Variants in GRHL2 observed in about 807,000 individuals in gnomAD.
GRHL2 encodes the protein grainyhead like transcription factor 2.
A neutral mutation model predicts 83.8 loss-of-function variants in GRHL2; 21 were observed. The ratio of observed to expected loss-of-function variants is 0.25; its 90% CI spans 0.18 to 0.36. GRHL2 has a LOEUF of 0.36. Among genes scored for constraint, GRHL2 ranks in the 10% least tolerant of loss-of-function variants. The pLI is 1.00. For synonymous variants in GRHL2, 280 were observed against 278.9 expected (o/e 1.00, Z -0.04); for missense variants, 623 against 781.8 (o/e 0.80, Z 2.42).
At chr8:101,603,718 T>C (rs907279698) in intron 8 of GRHL2, among the ~76,000 whole-genome samples, 28 of 152,198 alleles carry the variant, frequency 1.8e-4, no homozygotes, top group Admixed American at 5.9e-4. Context: ...CAATGACACA[T>C]GCAGCAGGAA....
At chr8:101,673,917 T>G (rs536101559), downstream of GRHL2, among the ~76,000 whole-genome samples, 1 of 152,144 alleles carries the variant, frequency 6.6e-6, no homozygotes, top group South Asian at 2.1e-4. Flanking sequence ...TCAAAACCGC[T>G]TGACTACATG....
At chr8:101,551,531 T>C (rs1057477) in intron 2 of GRHL2, among the ~76,000 whole-genome samples, 7,133 of 152,074 alleles carry the variant, frequency 0.047, 531 homozygotes, top group African/African-American at 0.16. Context: ...GGGATGATTT[T>C]CATGAATGTT....
intron 1 of GRHL2, among the ~76,000 whole-genome samples, chr8:101,510,093 T>G (rs982813998): frequency 7.9e-5 from 12 of 152,130 alleles, no homozygotes; most frequent in African/African-American, 2.9e-4. Flanking sequence ...CAGGCCCAGA[T>G]GATCTTCCCA....
chr8:101,618,710 C>T (rs1489334371), intron 8 of GRHL2, among the ~76,000 whole-genome samples: 1 of 151,986 alleles, frequency 6.6e-6, no homozygotes, highest in African/African-American at 2.4e-5. Flanking sequence ...TTCCTCCAGG[C>T]ACTAGGTACC....
intron 1 of GRHL2, among the ~76,000 whole-genome samples, chr8:101,514,565 T>G (rs897944467): frequency 6.6e-6 from 1 of 152,158 alleles, no homozygotes; most frequent in Non-Finnish European, 1.5e-5. Flanking sequence ...TGCCATGGAA[T>G]CTGGGTCAGT....
chr8:101,648,425 G>A (rs1319014752), intron 13 of GRHL2, among the ~76,000 whole-genome samples: 1 of 152,236 alleles, frequency 6.6e-6, no homozygotes, highest in African/African-American at 2.4e-5. Flanking sequence ...GAGGGCACTA[G>A]AACCATGACA....
intron 1 of GRHL2, among the ~76,000 whole-genome samples, chr8:101,496,268 G>GA (rs1436142414): frequency 2.0e-5 from 3 of 151,478 alleles, no homozygotes; most frequent in African/African-American, 7.3e-5. Flanking sequence ...CTATTATTCA[G>GA]AAAATGGCTG....
At chr8:101,643,369 C>A (rs1401253799) in intron 12 of GRHL2, among the ~76,000 whole-genome samples, 28 of 96,958 alleles carry the variant, frequency 2.9e-4, no homozygotes, top group East Asian at 1.7e-3. Context: ...CTGTTTCTCT[C>A]AAAAAAAAAA....
At chr8:101,577,587 G>C in intron 7 of GRHL2, 68 bp downstream of exon 7, 1 of 1,018,962 alleles carries the variant, frequency 9.8e-7, no homozygotes, top group Non-Finnish European at 1.5e-6. Flanking sequence ...GCCAAGGGGA[G>C]CCTGGCGTAG....
chr8:101,502,292 T>C (rs1376364924), intron 1 of GRHL2, among the ~76,000 whole-genome samples: 5 of 152,218 alleles, frequency 3.3e-5, no homozygotes, highest in Non-Finnish European at 7.3e-5. Flanking sequence ...CAGAGGGGTC[T>C]GGGCTGGTGG....
At chr8:101,673,501 A>G (rs945195894), downstream of GRHL2, among the ~76,000 whole-genome samples, 11 of 144,286 alleles carry the variant, frequency 7.6e-5, no homozygotes, top group Non-Finnish European at 1.4e-4. Context: ...AGAAGAGCTA[A>G]CTATCCTAAA....
chr8:101,566,709 G>A (rs890409952), intron 4 of GRHL2, among the ~76,000 whole-genome samples: 1 of 151,094 alleles, frequency 6.6e-6, no homozygotes, highest in Non-Finnish European at 1.5e-5. Context: ...CCTTATCCAT[G>A]TTTCTCTGGA....
At chr8:101,516,493 C>T (rs982888875) in intron 1 of GRHL2, among the ~76,000 whole-genome samples, 2 of 140,060 alleles carry the variant, frequency 1.4e-5, no homozygotes, top group African/African-American at 2.6e-5. Context: ...TTATGGCTTA[C>T]TGCAACCTCG....
At position 101,660,761 on chromosome 8, in the gene GRHL2, A is replaced by G. The variant is rs1239472152; in HGVS notation, c.1699-3693A>G. ...ACTATTTGAAAATAAACTTCCAACTATTTTCTCCACCAGTGCCTTCCAGCT... is the reference window on the plus strand; with the variant it reads ...ACTATTTGAAAATAAACTTCCAACTGTTTTCTCCACCAGTGCCTTCCAGCT... On this transcript the variant is annotated intron_variant, in intron 14 of 15. Transcript: ENST00000646743. Among the ~76,000 whole-genome samples, 2 of 151,974 alleles carry G rather than the reference A, an allele frequency of 1.3e-5. 1 individual carries two copies. The highest frequency in any genetic ancestry group is 1.3e-4 in the Admixed American group (2 of 15,256).
chr8:101,632,821 A>G (rs1279030863), intron 11 of GRHL2, among the ~76,000 whole-genome samples: 1 of 152,258 alleles, frequency 6.6e-6, no homozygotes, highest in African/African-American at 2.4e-5. Context: ...CCCATTTAAT[A>G]GGTAAATCAT....
intron 14 of GRHL2, among the ~76,000 whole-genome samples, chr8:101,656,106 C>T (rs1191075141): frequency 3.3e-5 from 5 of 152,240 alleles, no homozygotes; most frequent in Non-Finnish European, 5.9e-5. Flanking sequence ...CTCTGTCATT[C>T]ACAGCACTTA....
intron 9 of GRHL2, among the ~76,000 whole-genome samples, chr8:101,621,907 T>C (rs571920752): frequency 2.5e-4 from 38 of 149,590 alleles, no homozygotes; most frequent in African/African-American, 8.7e-4. Context: ...CCAATATACA[T>C]ATAATAGGAA....
downstream of GRHL2, among the ~76,000 whole-genome samples, chr8:101,674,211 A>G (rs202099139): frequency 6.6e-6 from 1 of 152,150 alleles, no homozygotes; most frequent in Admixed American, 6.6e-5. Context: ...TGAAATCAGA[A>G]CAGAACTGAA....
intron 1 of GRHL2, among the ~76,000 whole-genome samples, 173 bp from the exon 2 acceptor site, chr8:101,543,068 C>T: frequency 6.6e-6 from 1 of 152,188 alleles, no homozygotes; most frequent in East Asian, 1.9e-4. Flanking sequence ...TTCTCATAGA[C>T]AGTAAAAAAA....
Sources: gnomAD v4.1 joint callset for allele counts (sites outside exome capture counted in the v4.1 genomes callset) on GRCh38, gnomAD v4.1.1 for gene constraint, MANE v1.5 for transcripts, NCBI Gene and HGNC (gene_info 2026-07-23, HGNC 2026-07-21) for gene names.